The following GRHL2 variants were observed in gnomAD, a reference collection of about 807,000 sequenced individuals.
GRHL2 encodes the protein grainyhead-like protein 2 homolog.
Under a neutral mutation model 83.8 loss-of-function variants are expected in GRHL2, and 21 were observed. That is an observed-to-expected ratio of 0.25 (90% CI 0.18 to 0.36). The LOEUF (loss-of-function observed/expected upper bound fraction) is 0.36. Ranked by LOEUF, GRHL2 falls within the 10% of genes least tolerant of loss-of-function variation. The probability of loss-of-function intolerance (pLI) is 1.00; values close to 1 mark genes in which losing one functional copy is unlikely to be tolerated. For missense variants in GRHL2, 623 were observed against 781.8 expected (o/e 0.80, Z 2.42); for synonymous variants, 280 against 278.9 (o/e 1.00, Z -0.04).
At chr8:101,622,693 T>C (rs1285368376) in intron 9 of GRHL2, among the ~76,000 whole-genome samples, 1 of 152,172 alleles carries the variant, frequency 6.6e-6, no homozygotes, top group Non-Finnish European at 1.5e-5. Flanking sequence ...TTTTTTAAAA[T>C]TATTTTTCCG....
In GRHL2 at chr8:101,532,651, G is replaced by C. The variant is rs184300736; in HGVS notation, c.21-10590G>C. ...TGCAATCCCAGCTACTCGGCGGGGGGGCTGAGGCAGGAGAATTGCTTGAAC... is the reference window on the plus strand; with the variant it reads ...TGCAATCCCAGCTACTCGGCGGGGGCGCTGAGGCAGGAGAATTGCTTGAAC... On this transcript the variant is annotated intron_variant, in intron 1 of 15. Coordinates refer to ENST00000646743, the MANE Select transcript of GRHL2 (RefSeq NM_024915.4). 7.2e-5 allele frequency among the ~76,000 whole-genome samples: 11 copies of C among 152,140 alleles called. No individual in the cohort carries two copies. In the East Asian group the frequency reaches 1.2e-3, roughly 16 times the overall value.
At chr8:101,657,066 C>T (rs1037048085) in intron 14 of GRHL2, among the ~76,000 whole-genome samples, 1 of 150,184 alleles carries the variant, frequency 6.7e-6, no homozygotes, top group African/African-American at 2.5e-5. Context: ...AGTTTTTGTC[C>T]AACTGTGTCA....
chr8:101,631,797 A>T, intron 10 of GRHL2, 73 bp downstream of exon 10: 1 of 1,255,128 alleles, frequency 8.0e-7, no homozygotes, highest in Non-Finnish European at 1.2e-6. Context: ...GAACAGGTGG[A>T]AGAAGTGGGT....
chr8:101,521,357 C>T (rs1428417775), intron 1 of GRHL2, among the ~76,000 whole-genome samples: 4 of 152,194 alleles, frequency 2.6e-5, no homozygotes, highest in African/African-American at 9.7e-5. Context: ...GTGGTCTCCA[C>T]ACAAATGTGG....
At chr8:101,648,116 A>T (rs1249879284) in intron 13 of GRHL2, among the ~76,000 whole-genome samples, 1 of 152,186 alleles carries the variant, frequency 6.6e-6, no homozygotes. Flanking sequence ...GAGACCACTC[A>T]GTGGGGATGA....
chr8:101,676,506 A>G, the GRHL2 span, among the ~76,000 whole-genome samples: 653 of 152,328 alleles, frequency 4.3e-3, 2 homozygotes, highest in Non-Finnish European at 7.4e-3. Flanking sequence ...CAAAACCACA[A>G]TGAGATACCA....
Position 101,652,498 on chromosome 8 carries a change from G to A in GRHL2, c.1698+2999G>A, listed in dbSNP as rs1051243128. The stretch of plus-strand genomic sequence containing the variant: ...TGTGTGGTATGTGTGTATGTGTGTG[G>A]TGTGTGTGTGTGGTGTGTGTGTGGT... On this transcript the variant is annotated intron_variant, in intron 14 of 15. Coordinates refer to ENST00000646743, the MANE Select transcript of GRHL2 (RefSeq NM_024915.4). Among the ~76,000 whole-genome samples the A allele has an allele frequency of 2.5e-4, 9 of 36,534 alleles. 1 individual carries two copies. Among genetic ancestry groups the A allele is most frequent in the Non-Finnish European group, 3.9e-4 (9 of 23,264 alleles). The allele number at this position is 36,534 out of a possible 152,430, so 24.0% of individuals were successfully genotyped here. A position where few individuals can be genotyped will look rare whatever the true frequency, so the allele number is the denominator to read the frequency against.
At chr8:101,553,661 C>G (rs1811433578) in intron 3 of GRHL2, among the ~76,000 whole-genome samples, 1 of 142,548 alleles carries the variant, frequency 7.0e-6, no homozygotes, top group Non-Finnish European at 1.5e-5. Context: ...CGGAGTCTCG[C>G]TCTGTCACCA....
At position 101,652,532 on chromosome 8, in the gene GRHL2, GGT is replaced by G. The variant is rs1491361262; in HGVS notation, c.1698+3047_1698+3048del. Among the ~76,000 whole-genome samples, 68 of 79,656 alleles carry G rather than the reference GGT, an allele frequency of 8.5e-4. 1 individual carries two copies. The highest frequency in any genetic ancestry group is 3.2e-3 in the Admixed American group (24 of 7,430). The allele number at this position is 79,656 out of a possible 152,430, so 52.3% of individuals were successfully genotyped here. On this transcript the variant is annotated intron_variant, in intron 14 of 15. Transcript: ENST00000646743. ...TGTGGTGTGTGTGTGGTGTGTGTGTGGTGTGTGTGTGTGTGGTGTGTATGTGT... is the reference window on the plus strand; with the variant it reads ...TGTGGTGTGTGTGTGGTGTGTGTGTGGTGTGTGTGTGTGGTGTGTATGTGT...
chr8:101,576,294 G>A (rs1811931929), intron 6 of GRHL2, among the ~76,000 whole-genome samples: 1 of 152,124 alleles, frequency 6.6e-6, no homozygotes, highest in South Asian at 2.1e-4. Context: ...ACTCATTGAA[G>A]CCTCAACCTC....
At chr8:101,548,244 T>G (rs1296929842) in intron 2 of GRHL2, among the ~76,000 whole-genome samples, 2 of 152,134 alleles carry the variant, frequency 1.3e-5, no homozygotes, top group African/African-American at 4.8e-5. Context: ...GGGGTAAATA[T>G]TGGATATCTA....
intron 1 of GRHL2, among the ~76,000 whole-genome samples, chr8:101,519,560 T>C (rs1810641838): frequency 6.9e-6 from 1 of 143,910 alleles, no homozygotes; most frequent in Admixed American, 6.9e-5. Flanking sequence ...ATGACCAGCT[T>C]TTTTTTTTTT....
intron 1 of GRHL2, among the ~76,000 whole-genome samples, chr8:101,518,543 T>C (rs1036061946): frequency 2.0e-5 from 3 of 152,224 alleles, no homozygotes; most frequent in Admixed American, 6.5e-5. Flanking sequence ...TGTGTTTGGT[T>C]ACAAGAATAT....
intron 7 of GRHL2, among the ~76,000 whole-genome samples, chr8:101,595,919 G>C (rs1161693596): frequency 6.6e-6 from 1 of 152,050 alleles, no homozygotes; most frequent in East Asian, 1.9e-4. Flanking sequence ...AGGAGATCGA[G>C]ACCATCCTGG....
At chr8:101,493,151 C>T (rs907870480) in intron 1 of GRHL2, among the ~76,000 whole-genome samples, 7 of 152,150 alleles carry the variant, frequency 4.6e-5, no homozygotes, top group Admixed American at 1.3e-4. Context: ...TTTAGCTGCT[C>T]CCACCGATCT....
At chr8:101,568,766 T>C (rs1010371235) in intron 4 of GRHL2, among the ~76,000 whole-genome samples, 5 of 152,168 alleles carry the variant, frequency 3.3e-5, no homozygotes, top group African/African-American at 9.7e-5. Flanking sequence ...GAAACACAAA[T>C]CTGTACCTTT....
chr8:101,591,414 C>G (rs1728676381), intron 7 of GRHL2, among the ~76,000 whole-genome samples: 1 of 152,186 alleles, frequency 6.6e-6, no homozygotes, highest in African/African-American at 2.4e-5. Flanking sequence ...CTCCTCTCTA[C>G]TGAAGCACCC....
chr8:101,509,348 A>G (rs1375080495), intron 1 of GRHL2, among the ~76,000 whole-genome samples: 1 of 151,254 alleles, frequency 6.6e-6, no homozygotes, highest in East Asian at 1.9e-4. Flanking sequence ...AGGGCCCTGC[A>G]ATTAAACTTC....
At chr8:101,555,387 C>G (rs1018291146) in intron 3 of GRHL2, among the ~76,000 whole-genome samples, 6 of 152,144 alleles carry the variant, frequency 3.9e-5, no homozygotes, top group African/African-American at 1.4e-4. Flanking sequence ...AATGCTGGAA[C>G]CTTTACTGGG....
Sources: gnomAD v4.1 joint callset for allele counts (sites outside exome capture counted in the v4.1 genomes callset) on GRCh38, gnomAD v4.1.1 for gene constraint, MANE v1.5 for transcripts, NCBI Gene and HGNC (gene_info 2026-07-23, HGNC 2026-07-21) for gene names.